FOXP2: variants seen among roughly 807,000 people sequenced by gnomAD.
FOXP2 encodes the protein forkhead box protein P2.
A neutral mutation model predicts 115.8 loss-of-function variants in FOXP2; 12 were observed. The ratio of observed to expected loss-of-function variants is 0.10; its 90% CI spans 0.07 to 0.17. The LOEUF is 0.17. Ranked by LOEUF, FOXP2 falls within the 10% of genes least tolerant of loss-of-function variation. The pLI is 1.00. For synonymous variants in FOXP2, 328 were observed against 297.7 expected (o/e 1.10, Z -1.05); for missense variants, 629 against 843.5 (o/e 0.75, Z 3.15).
intron 14 of FOXP2, among the ~76,000 whole-genome samples, 158 bp downstream of exon 14, chr7:114,662,344 A>T (rs927142854): frequency 3.9e-5 from 6 of 152,076 alleles, no homozygotes; most frequent in African/African-American, 1.4e-4. Flanking sequence ...GGTGGCATAA[A>T]TCAACAGTAG....
chr7:114,593,946 C>G lies in FOXP2; in HGVS notation c.259-34594C>G, dbSNP rs116822772. 2.3e-3 allele frequency among the ~76,000 whole-genome samples: 354 copies of G among 151,844 alleles called. 1 individual carries two copies. Among genetic ancestry groups the G allele is most frequent in the African/African-American group, 7.7e-3 (321 of 41,452 alleles). ...CTTCAAATATTAGAAAGATCTTTACCTAAGTTTACCTAAAGAAGTTTCCGT... is the reference window on the plus strand; with the variant it reads ...CTTCAAATATTAGAAAGATCTTTACGTAAGTTTACCTAAAGAAGTTTCCGT... On this transcript the variant is annotated intron_variant, in intron 3 of 16. Coordinates refer to ENST00000350908, the MANE Select transcript of FOXP2 (RefSeq NM_014491.4).
intron 3 of FOXP2, among the ~76,000 whole-genome samples, chr7:114,569,271 A>G (rs1388030837): frequency 6.6e-6 from 1 of 151,920 alleles, no homozygotes; most frequent in Non-Finnish European, 1.5e-5. Context: ...AGTTTCTCTT[A>G]TTATGACTAG....
At chr7:114,249,415 C>T (rs910473093) in intron 1 of FOXP2, among the ~76,000 whole-genome samples, 3 of 151,886 alleles carry the variant, frequency 2.0e-5, no homozygotes, top group African/African-American at 7.3e-5. Context: ...CTCCCTGTGT[C>T]CAGGTGTTCT....
intron 1 of FOXP2, among the ~76,000 whole-genome samples, chr7:114,100,895 C>T (rs540869938): frequency 1.3e-5 from 2 of 152,024 alleles, no homozygotes; most frequent in South Asian, 4.2e-4. Context: ...TGTTATTATC[C>T]CCATTTTATG....
intron 2 of FOXP2, among the ~76,000 whole-genome samples, chr7:114,461,603 T>G (rs1278553634): frequency 5.3e-5 from 8 of 152,208 alleles, no homozygotes; most frequent in Admixed American, 5.2e-4. Flanking sequence ...CTTTTTGTTT[T>G]GTACATCTAA....
intron 3 of FOXP2, among the ~76,000 whole-genome samples, chr7:114,620,482 C>T (rs1282101912): frequency 6.6e-6 from 1 of 152,008 alleles, no homozygotes; most frequent in African/African-American, 2.4e-5. Flanking sequence ...TATGAAGAGC[C>T]TGACCTAATG....
intron 2 of FOXP2, among the ~76,000 whole-genome samples, chr7:114,299,547 T>C (rs928124338): frequency 6.6e-6 from 1 of 151,890 alleles, no homozygotes; most frequent in African/African-American, 2.4e-5. Context: ...TCTAAGGTTA[T>C]ATAAATAAAT....
chr7:114,609,112 T>C (rs1188945455), intron 3 of FOXP2, among the ~76,000 whole-genome samples: 3 of 151,492 alleles, frequency 2.0e-5, no homozygotes, highest in East Asian at 1.9e-4. Context: ...GCCTGAGAGG[T>C]TGAAGCAAGA....
chr7:114,572,518 A>C lies in FOXP2; in HGVS notation c.258+37812A>C, dbSNP rs984101457. Among the ~76,000 whole-genome samples the C allele has an allele frequency of 3.9e-5, 6 of 151,952 alleles. No homozygotes were observed. In the East Asian group the frequency reaches 9.7e-4, roughly 24 times the overall value. On this transcript the variant is annotated intron_variant, in intron 3 of 16. Transcript: ENST00000350908. ...TCTCTGTATATTTTAAAGGAAGATA[A>C]ATTTTAGGTAAACATCAAGTGCAAT...
rs75704660 is a variant in FOXP2 at position 114,347,522 on chromosome 7, G to C, written c.-11+59413G>C. Among the ~76,000 whole-genome samples the C allele has an allele frequency of 7.6e-4, 115 of 152,048 alleles. 1 individual carries two copies. The East Asian group carries it at 0.022, about 29-fold the overall frequency. On this transcript the variant is annotated intron_variant, in intron 2 of 17. Coordinates refer to the FOXP2 transcript ENST00000634411. ...ACACTATGGCAACAGTTTCAACCTT[G>C]AAAGTTGGCATTCAGACATATATAA...
In FOXP2 at chr7:114,692,445, T is replaced by C. The variant is rs1416486123; in HGVS notation, c.*2519T>C. ...TTAGGTTTTTTGGAGTTTCCTGAAA[T>C]GCTTGGTCTGTATTTTGATAATTGT... On this transcript the variant is annotated 3_prime_UTR_variant, in exon 17 of 17. Transcript: ENST00000350908. 4.4e-6 allele frequency: 2 copies of C among 450,638 alleles called. No individual in the cohort carries two copies. The highest frequency in any genetic ancestry group is 4.0e-5 in the African/African-American group (2 of 49,670). 27.9% of individuals were successfully genotyped at this position (450,638 alleles called of 1,614,324 possible).
intron 2 of FOXP2, among the ~76,000 whole-genome samples, chr7:114,374,241 G>A (rs1792085799): frequency 6.6e-6 from 1 of 152,124 alleles, no homozygotes; most frequent in Non-Finnish European, 1.5e-5. Flanking sequence ...AGCTTCATAT[G>A]TCACAGAAAG....
intron 2 of FOXP2, among the ~76,000 whole-genome samples, chr7:114,490,621 C>T (rs928622777): frequency 1.3e-5 from 2 of 152,096 alleles, no homozygotes; most frequent in Non-Finnish European, 2.9e-5. Flanking sequence ...CGTCATTTAA[C>T]ATTAGGTAAA....
At chr7:114,309,684 G>A (rs2129179805) in intron 2 of FOXP2, among the ~76,000 whole-genome samples, 1 of 151,868 alleles carries the variant, frequency 6.6e-6, no homozygotes, top group Admixed American at 6.6e-5. Flanking sequence ...TTTTTTCTTT[G>A]AGACAGAGTC....
At chr7:114,461,379 T>C (rs1321002099) in intron 2 of FOXP2, among the ~76,000 whole-genome samples, 4 of 152,198 alleles carry the variant, frequency 2.6e-5, no homozygotes, top group Admixed American at 1.3e-4. Flanking sequence ...GTATGGGTCA[T>C]TACTTAACCA....
chr7:114,639,991 T>C (rs1805433330), intron 6 of FOXP2, among the ~76,000 whole-genome samples: 1 of 152,140 alleles, frequency 6.6e-6, no homozygotes, highest in Non-Finnish European at 1.5e-5. Context: ...AGTAAATTCA[T>C]ATATTCAAGG....
At chr7:114,443,630 G>A (rs1794704032) in intron 2 of FOXP2, among the ~76,000 whole-genome samples, 1 of 152,024 alleles carries the variant, frequency 6.6e-6, no homozygotes, top group African/African-American at 2.4e-5. Flanking sequence ...TTGTCCATAT[G>A]TACTCAGTGT....
chr7:114,421,299 G>A (rs1025954308), intron 1 of FOXP2, among the ~76,000 whole-genome samples: 2 of 151,404 alleles, frequency 1.3e-5, no homozygotes, highest in South Asian at 4.2e-4. Context: ...TAGTTGCTAA[G>A]TTAATTAATA....
chr7:114,386,958 C>T (rs1234351183), intron 2 of FOXP2, among the ~76,000 whole-genome samples: 1 of 152,134 alleles, frequency 6.6e-6, no homozygotes, highest in Non-Finnish European at 1.5e-5. Flanking sequence ...TTTGATTTTA[C>T]ATTTAAACAT....
Sources: gnomAD v4.1 joint callset for allele counts (sites outside exome capture counted in the v4.1 genomes callset) on GRCh38, gnomAD v4.1.1 for gene constraint, MANE v1.5 for transcripts, NCBI Gene and HGNC (gene_info 2026-07-23, HGNC 2026-07-21) for gene names.